TRPC6: variants seen among roughly 807,000 people sequenced by gnomAD.
TRPC6 encodes transient receptor potential cation channel subfamily C member 6.
Under a neutral mutation model 90.7 loss-of-function variants are expected in TRPC6, and 55 were observed. That is an observed-to-expected ratio of 0.61 (90% CI 0.49 to 0.76). The LOEUF is 0.76. TRPC6 is among the 30% of genes least tolerant of loss of function. The pLI is 0.00. For synonymous variants in TRPC6, 393 were observed against 393.0 expected, an observed-to-expected ratio of 1.00 and a Z score of 0.00; for missense variants, 989 against 1,122.7, an observed-to-expected ratio of 0.88 and a Z score of 1.70.
chr11:101,476,098 A>C (rs566849363), intron 6 of TRPC6, among the ~76,000 whole-genome samples: 2 of 152,328 alleles, frequency 1.3e-5, no homozygotes, highest in South Asian at 4.1e-4. Flanking sequence ...CTTGTGATTA[A>C]GAGAGTTTTC....
At chr11:101,487,726 A>G (rs564681484) in intron 4 of TRPC6, among the ~76,000 whole-genome samples, 7 of 152,296 alleles carry the variant, frequency 4.6e-5, no homozygotes, top group South Asian at 2.1e-4. Context: ...CCTCATTTAT[A>G]TTATGAATCT....
intron 2 of TRPC6, among the ~76,000 whole-genome samples, chr11:101,498,506 G>A (rs1056725213): frequency 6.6e-6 from 1 of 151,944 alleles, no homozygotes; most frequent in Non-Finnish European, 1.5e-5. Flanking sequence ...AAAACACTTA[G>A]GCCTAGAAGG....
intron 10 of TRPC6, among the ~76,000 whole-genome samples, chr11:101,459,627 A>AT (rs375320263): frequency 2.2e-4 from 33 of 152,344 alleles, no homozygotes; most frequent in African/African-American, 7.5e-4. Context: ...TACAGGGAAA[A>AT]TAAAATTATT....
chr11:101,543,128 T>C (rs1186130265), intron 1 of TRPC6, among the ~76,000 whole-genome samples: 2 of 152,006 alleles, frequency 1.3e-5, no homozygotes, highest in Non-Finnish European at 2.9e-5. Context: ...AACATACATA[T>C]GTGAATGTCC....
At chr11:101,502,072 G>C (rs1860141818) in intron 2 of TRPC6, among the ~76,000 whole-genome samples, 1 of 152,088 alleles carries the variant, frequency 6.6e-6, no homozygotes, top group South Asian at 2.1e-4. Context: ...AGCACAAATG[G>C]GCGGAAAGTG....
chr11:101,561,708 C>G (rs1471534872), intron 1 of TRPC6, among the ~76,000 whole-genome samples: 2 of 151,782 alleles, frequency 1.3e-5, no homozygotes, highest in African/African-American at 4.8e-5. Context: ...CAGGGCTAAA[C>G]TTAAACACCC....
At chr11:101,563,544 C>CT (rs551771148) in intron 1 of TRPC6, among the ~76,000 whole-genome samples, 387 of 151,580 alleles carry the variant, frequency 2.6e-3, no homozygotes, top group African/African-American at 8.2e-3. Flanking sequence ...TGTAGGTAAT[C>CT]TTTTTTTTTA....
rs746947696 is a variant in TRPC6 at position 101,504,691 on chromosome 11, G to C, written c.278C>G (p.Thr93Arg). 4 of 1,596,914 alleles carry C rather than the reference G, an allele frequency of 2.5e-6. No individual in the cohort carries two copies. The highest frequency in any genetic ancestry group is 3.4e-6 in the Non-Finnish European group (4 of 1,170,340). ...GPAYMFSDRS[T>R]SLSIEEERFL... ...GCGTTCCTCCTCTATAGATAGGCTT[G>C]TGGAGCGATCACTAAACATGTATGC... The change falls in exon 2 of 13, where the codon ACA becomes AGA. Residue 93 changes from threonine to arginine, a missense_variant. Coordinates refer to ENST00000344327, the MANE Select transcript of TRPC6 (RefSeq NM_004621.6).
intron 12 of TRPC6, 113 bp downstream of exon 12, chr11:101,453,537 C>T: frequency 9.7e-7 from 1 of 1,034,552 alleles, no homozygotes; most frequent in Non-Finnish European, 1.5e-6. Context: ...TTCTACTTTT[C>T]CCCTTGAAGT....
intron 8 of TRPC6, among the ~76,000 whole-genome samples, 192 bp downstream of exon 8, chr11:101,471,945 A>G (rs1255986820): frequency 1.3e-5 from 2 of 152,216 alleles, no homozygotes; most frequent in South Asian, 2.1e-4. Context: ...TCTCTGCCCC[A>G]TGACACCTTA....
rs59743346 is a variant in TRPC6, at chr11:101,453,125, TAAG to T, written c.2645-22_2645-20del. ...AGTTCCCCTTTGAAAGCAAGAGTGA[TAAG>T]AAGTCAACTATAAATACGCAATGCG... is the stretch of plus-strand genomic sequence containing the variant. On this transcript the variant is annotated intron_variant, in intron 12 of 12. Coordinates refer to ENST00000344327, the MANE Select transcript of TRPC6 (RefSeq NM_004621.6). 381,263 of 1,609,060 alleles carry T rather than the reference TAAG, an allele frequency of 0.24. 51,845 individuals are homozygous for T. The highest frequency in any genetic ancestry group is 0.6 in the African/African-American group (44,585 of 74,638).
At chr11:101,472,041 G>A (rs1442053357) in intron 8 of TRPC6, 96 bp downstream of exon 8, 17 of 1,265,354 alleles carry the variant, frequency 1.3e-5, no homozygotes, top group Middle Eastern at 5.3e-4. Flanking sequence ...AACAAAGGGC[G>A]AAGAGCAGTC....
At chr11:101,573,097 C>T (rs528286819) in intron 1 of TRPC6, among the ~76,000 whole-genome samples, 1 of 147,762 alleles carries the variant, frequency 6.8e-6, no homozygotes, top group South Asian at 2.4e-4. Flanking sequence ...AAACTTGATA[C>T]CCTAAAGGCA....
intron 1 of TRPC6, among the ~76,000 whole-genome samples, chr11:101,521,252 C>T (rs1411560476): frequency 4.6e-5 from 7 of 151,920 alleles, no homozygotes; most frequent in Admixed American, 2.0e-4. Context: ...AACCTCAGGA[C>T]ACTGCTCCCT....
intron 1 of TRPC6, among the ~76,000 whole-genome samples, chr11:101,528,027 C>T (rs1283445919): frequency 6.6e-6 from 1 of 152,048 alleles, no homozygotes; most frequent in Admixed American, 6.6e-5. Flanking sequence ...GAGCCGAGAT[C>T]GTGCCACTGC....
At chr11:101,521,006 T>A (rs892769513) in intron 1 of TRPC6, among the ~76,000 whole-genome samples, 1 of 152,004 alleles carries the variant, frequency 6.6e-6, no homozygotes, top group African/African-American at 2.4e-5. Flanking sequence ...CTTTGGAAAA[T>A]TTGCAGCCTG....
intron 1 of TRPC6, among the ~76,000 whole-genome samples, chr11:101,582,686 C>T (rs1018358039): frequency 6.6e-6 from 1 of 152,136 alleles, no homozygotes; most frequent in Admixed American, 6.5e-5. Flanking sequence ...AGGCTCGTCT[C>T]CCCAGACGCC....
intron 1 of TRPC6, among the ~76,000 whole-genome samples, chr11:101,521,834 G>A (rs541789799): frequency 3.2e-4 from 48 of 152,294 alleles, no homozygotes; most frequent in Non-Finnish European, 4.7e-4. Context: ...TAACTGCCCC[G>A]CTGGGTTTCA....
intron 2 of TRPC6, 94 bp from the exon 3 acceptor site, chr11:101,491,832 CATTCTTTTTTTT>C: frequency 8.8e-6 from 5 of 568,380 alleles, no homozygotes; most frequent in Non-Finnish European, 1.3e-5. Context: ...TTAAGAGAAA[CATTCTTTTTTTT>C]TTTTTTTTTT....
Sources: allele counts gnomAD v4.1 joint callset (sites outside exome capture counted in the v4.1 genomes callset), GRCh38; gene constraint gnomAD v4.1.1; transcripts MANE v1.5; gene names NCBI Gene and HGNC (gene_info 2026-07-23, HGNC 2026-07-21).